The following FGF12 variants were observed in gnomAD, a reference collection of about 807,000 sequenced individuals.
FGF12 encodes the protein fibroblast growth factor 12B.
FGF12 carries 14 observed loss-of-function variants against 23.6 expected under a neutral mutation model. That is an observed-to-expected ratio of 0.59 (90% CI 0.39 to 0.93). The LOEUF is 0.93. Among genes scored for constraint, FGF12 ranks in the 40% least tolerant of loss-of-function variants. FGF12 has a pLI of 0.00. For missense variants in FGF12, 175 were observed against 217.8 expected (o/e 0.80, Z 1.24); for synonymous variants, 62 against 77.3 (o/e 0.80, Z 1.04).
rs576733386 is a variant in FGF12 at position 192,561,402 on chromosome 3, A to G, written c.13+165779T>C. On this transcript the variant is annotated intron_variant, in intron 2 of 5. Transcript: ENST00000445105. The stretch of plus-strand genomic sequence containing the variant: ...TTTTGAGACAGAGTCTCGCTCTTTC[A>G]CCCAGGCTGGAGTGCAGTGGTGCAA... Among the ~76,000 whole-genome samples the G allele has an allele frequency of 4.4e-4, 67 of 151,836 alleles. No individual in the cohort carries two copies. The Middle Eastern group carries it at 0.014, about 31-fold the overall frequency.
At chr3:192,649,235 T>C (rs942148378) in intron 2 of FGF12, among the ~76,000 whole-genome samples, 4 of 152,128 alleles carry the variant, frequency 2.6e-5, no homozygotes, top group Non-Finnish European at 5.9e-5. Flanking sequence ...TATCCAACAG[T>C]AGAGGATTGA....
intron 4 of FGF12, among the ~76,000 whole-genome samples, chr3:192,247,035 AGG>A: frequency 2.3e-4 from 1 of 4,410 alleles, no homozygotes; most frequent in African/African-American, 1.0e-3. Context: ...GAAGGAAAGA[AGG>A]AAGGAAGGAA....
In FGF12 at chr3:192,145,857, C is replaced by T. The variant is rs11915460; in HGVS notation, c.428-1730G>A. Among the ~76,000 whole-genome samples, 697 of 152,202 alleles carry T rather than the reference C, an allele frequency of 4.6e-3. 7 individuals carry two copies. Among genetic ancestry groups the T allele is most frequent in the African/African-American group, 0.016 (676 of 41,522 alleles). On this transcript the variant is annotated intron_variant, in intron 5 of 5. Transcript: ENST00000445105. The stretch of plus-strand genomic sequence containing the variant: ...TTTTTTGTTTCAACAAATAGAAGAT[C>T]CTTAGGGAATATCTTGCCAGAATCT...
chr3:192,489,748 A>G (rs576952056), intron 2 of FGF12, among the ~76,000 whole-genome samples: 76 of 152,036 alleles, frequency 5.0e-4, no homozygotes, highest in Non-Finnish European at 1.0e-3. Context: ...AAGTCAGAGT[A>G]TAAATGGCAA....
At chr3:192,537,344 T>G (rs1725247980) in intron 2 of FGF12, among the ~76,000 whole-genome samples, 1 of 152,152 alleles carries the variant, frequency 6.6e-6, no homozygotes, top group Non-Finnish European at 1.5e-5. Context: ...GATCATATGG[T>G]AGCCCTATTT....
intron 2 of FGF12, among the ~76,000 whole-genome samples, chr3:192,458,098 T>C (rs1334451738): frequency 1.3e-5 from 2 of 152,190 alleles, no homozygotes; most frequent in Admixed American, 6.5e-5. Context: ...GGAATCTCTG[T>C]CTAGATTTCA....
At chr3:192,587,757 G>T (rs372724473) in intron 2 of FGF12, among the ~76,000 whole-genome samples, 4 of 151,748 alleles carry the variant, frequency 2.6e-5, no homozygotes, top group Admixed American at 1.3e-4. Context: ...GGACTTCAAG[G>T]TTACAGGGAG....
At chr3:192,592,667 G>A (rs936715401) in intron 2 of FGF12, among the ~76,000 whole-genome samples, 6 of 151,668 alleles carry the variant, frequency 4.0e-5, no homozygotes, top group Non-Finnish European at 7.4e-5. Context: ...TGTCCTTGCA[G>A]AAAAAAACAA....
intron 2 of FGF12, among the ~76,000 whole-genome samples, chr3:192,619,573 C>T (rs1714894696): frequency 6.6e-6 from 1 of 152,088 alleles, no homozygotes; most frequent in Non-Finnish European, 1.5e-5. Context: ...CAAGTTTGGG[C>T]TGGCACTAAT....
chr3:192,217,553 G>C (rs1264672667), intron 4 of FGF12, among the ~76,000 whole-genome samples: 4 of 152,124 alleles, frequency 2.6e-5, no homozygotes, highest in Non-Finnish European at 5.9e-5. Flanking sequence ...AACACCTGCA[G>C]GCAGGTCTCA....
intron 4 of FGF12, among the ~76,000 whole-genome samples, chr3:192,291,808 T>C (rs1490623588): frequency 6.6e-6 from 1 of 152,162 alleles, no homozygotes. Flanking sequence ...TTAAGGGAAA[T>C]ACTAAAGTTA....
intron 2 of FGF12, among the ~76,000 whole-genome samples, chr3:192,655,870 G>C (rs1009853153): frequency 2.6e-5 from 4 of 152,002 alleles, no homozygotes; most frequent in Non-Finnish European, 5.9e-5. Flanking sequence ...TGGGGGAATG[G>C]GAAGAGGTGA....
At chr3:192,530,776 G>T (rs1291187408) in intron 2 of FGF12, among the ~76,000 whole-genome samples, 1 of 151,958 alleles carries the variant, frequency 6.6e-6, no homozygotes, top group Non-Finnish European at 1.5e-5. Context: ...CCACTGAACT[G>T]TACACATTAA....
intron 2 of FGF12, among the ~76,000 whole-genome samples, chr3:192,563,856 C>T (rs1209889067): frequency 6.6e-6 from 1 of 152,106 alleles, no homozygotes; most frequent in African/African-American, 2.4e-5. Flanking sequence ...ATATCATAGA[C>T]TTCTTATGAG....
intron 2 of FGF12, among the ~76,000 whole-genome samples, chr3:192,595,518 T>C (rs1472555030): frequency 1.3e-5 from 2 of 152,210 alleles, no homozygotes; most frequent in African/African-American, 4.8e-5. Flanking sequence ...TTCTTACTCT[T>C]GAACATGTAT....
Position 192,335,481 on chromosome 3 carries a change from A to G in FGF12, c.125-17T>C. On this transcript the variant is annotated splice_polypyrimidine_tract_variant and intron_variant, in intron 3 of 5. Coordinates refer to ENST00000445105, the MANE Select transcript of FGF12 (RefSeq NM_004113.6). ...TGAAGAGAGCTGGGGGGAGAAAAAG[A>G]AGGGCGGAAAGGATCAGTGACCTTT... The G allele has an allele frequency of 6.7e-7, 1 of 1,485,144 alleles. No individual in the cohort carries two copies. The highest frequency in any genetic ancestry group is 9.4e-7 in the Non-Finnish European group (1 of 1,062,936). The allele number at this position is 1,485,144 out of a possible 1,614,324, so 92.0% of individuals were successfully genotyped here.
At chr3:192,694,651 TA>T (rs1718055924) in intron 2 of FGF12, among the ~76,000 whole-genome samples, 1 of 151,776 alleles carries the variant, frequency 6.6e-6, no homozygotes, top group Non-Finnish European at 1.5e-5. Context: ...TATATATACA[TA>T]TATATGTACA....
At chr3:192,213,099 T>G (rs2108680939) in intron 4 of FGF12, among the ~76,000 whole-genome samples, 1 of 152,326 alleles carries the variant, frequency 6.6e-6, no homozygotes, top group South Asian at 2.1e-4. Flanking sequence ...CACAAGAAGG[T>G]TCCTCACAGA....
intron 2 of FGF12, among the ~76,000 whole-genome samples, chr3:192,709,165 T>C (rs1467378792): frequency 6.6e-6 from 1 of 152,190 alleles, no homozygotes; most frequent in Non-Finnish European, 1.5e-5. Flanking sequence ...CGAAGCTTCA[T>C]CCAGACAACT....
Sources: gnomAD v4.1 joint callset for allele counts (sites outside exome capture counted in the v4.1 genomes callset) on GRCh38, gnomAD v4.1.1 for gene constraint, MANE v1.5 for transcripts, NCBI Gene and HGNC (gene_info 2026-07-23, HGNC 2026-07-21) for gene names.